CDH13: variants seen among roughly 807,000 people sequenced by gnomAD.
The protein encoded by CDH13 is cadherin-13.
CDH13 carries 24 observed loss-of-function variants against 63.8 expected under a neutral mutation model. The ratio of observed to expected loss-of-function variants is 0.38; its 90% CI spans 0.27 to 0.53. CDH13 has a LOEUF of 0.53. Ranked by LOEUF, CDH13 falls within the 20% of genes least tolerant of loss-of-function variation. CDH13 has a pLI of 0.85. For synonymous variants in CDH13, 503 were observed against 355.3 expected (o/e 1.42, Z -4.67); for missense variants, 1,049 against 903.1 (o/e 1.16, Z -2.07).
intron 1 of CDH13, among the ~76,000 whole-genome samples, chr16:82,720,378 C>A (rs987520738): frequency 6.6e-6 from 1 of 152,012 alleles, no homozygotes; most frequent in Non-Finnish European, 1.5e-5. Flanking sequence ...TACAATACTT[C>A]GTATTAATTA....
chr16:83,161,789 A>G (rs1408081397), intron 4 of CDH13, among the ~76,000 whole-genome samples: 1 of 152,196 alleles, frequency 6.6e-6, no homozygotes, highest in Non-Finnish European at 1.5e-5. Flanking sequence ...AATCAACAAC[A>G]AACAACAACT....
intron 1 of CDH13, among the ~76,000 whole-genome samples, chr16:82,706,846 A>T (rs1422596475): frequency 6.6e-6 from 1 of 152,152 alleles, no homozygotes; most frequent in Non-Finnish European, 1.5e-5. Context: ...GGTCATTTTT[A>T]ATGTGAGAAT....
chr16:83,076,532 G>C (rs978722972), intron 3 of CDH13, among the ~76,000 whole-genome samples: 1 of 152,118 alleles, frequency 6.6e-6, no homozygotes, highest in Non-Finnish European at 1.5e-5. Flanking sequence ...CAAACATAAA[G>C]TTGAAAGAAT....
At chr16:83,555,966 A>G (rs951712633) in intron 7 of CDH13, among the ~76,000 whole-genome samples, 12 of 152,206 alleles carry the variant, frequency 7.9e-5, no homozygotes, top group African/African-American at 2.7e-4. Context: ...AGACAAAGCT[A>G]TGGCCTGGGG....
At chr16:83,342,994 CT>C (rs1212222267) in intron 5 of CDH13, among the ~76,000 whole-genome samples, 1 of 150,972 alleles carries the variant, frequency 6.6e-6, no homozygotes, top group Non-Finnish European at 1.5e-5. Context: ...CTCATAATAG[CT>C]TAAAAAAAAC....
chr16:83,221,778 A>G (rs1053374556), intron 5 of CDH13, among the ~76,000 whole-genome samples: 1 of 152,132 alleles, frequency 6.6e-6, no homozygotes, highest in East Asian at 1.9e-4. Flanking sequence ...TCTGTTGTCC[A>G]GTGGGAGATG....
Position 82,688,190 on chromosome 16 carries a change from G to A in CDH13, c.45+61053G>A, listed in dbSNP as rs143974117. ...TCAAGTGAACCAGCCAAGAGATCTC[G>A]TCCAACACTGGTATAGCCTGGCAGC... On this transcript the variant is annotated intron_variant, in intron 1 of 13. Coordinates refer to ENST00000567109, the MANE Select transcript of CDH13 (RefSeq NM_001257.5). 2.3e-3 allele frequency among the ~76,000 whole-genome samples: 356 copies of A among 152,264 alleles called. 1 individual carries two copies. The highest frequency in any genetic ancestry group is 8.0e-3 in the African/African-American group (334 of 41,562).
intron 6 of CDH13, among the ~76,000 whole-genome samples, chr16:83,455,336 C>G (rs2072993255): frequency 6.6e-6 from 1 of 152,200 alleles, no homozygotes; most frequent in African/African-American, 2.4e-5. Flanking sequence ...CCAATGACAG[C>G]TGTTTCTGAG....
chr16:82,681,357 G>A (rs1284080361), intron 1 of CDH13, among the ~76,000 whole-genome samples: 3 of 152,148 alleles, frequency 2.0e-5, no homozygotes, highest in African/African-American at 7.2e-5. Context: ...AGGAGGGAAT[G>A]GGAAGTGGCT....
At chr16:83,576,339 T>G (rs557820111) in intron 7 of CDH13, among the ~76,000 whole-genome samples, 2 of 152,372 alleles carry the variant, frequency 1.3e-5, no homozygotes, top group East Asian at 3.9e-4. Flanking sequence ...TGCATCAGTA[T>G]TTCATCCCTT....
chr16:83,076,333 GA>G (rs1419090326), intron 3 of CDH13, among the ~76,000 whole-genome samples: 3 of 152,118 alleles, frequency 2.0e-5, no homozygotes, highest in African/African-American at 4.8e-5. Flanking sequence ...TAAGTGTCTG[GA>G]TCAGAATCCA....
At chr16:82,944,829 AT>A (rs1268547565) in intron 2 of CDH13, among the ~76,000 whole-genome samples, 1 of 152,208 alleles carries the variant, frequency 6.6e-6, no homozygotes, top group Non-Finnish European at 1.5e-5. Flanking sequence ...CTATCTATCT[AT>A]TTACAACTTC....
chr16:82,890,059 G>T (rs1034332586), intron 2 of CDH13, among the ~76,000 whole-genome samples: 1 of 152,196 alleles, frequency 6.6e-6, no homozygotes, highest in African/African-American at 2.4e-5. Context: ...GCTTCAAAAC[G>T]CAGAGCACTA....
At chr16:83,500,759 T>G (rs2074266571) in intron 7 of CDH13, among the ~76,000 whole-genome samples, 1 of 150,582 alleles carries the variant, frequency 6.6e-6, no homozygotes, top group Non-Finnish European at 1.5e-5. Flanking sequence ...TGTTTTATTT[T>G]TGTGGAGACG....
At chr16:83,032,510 C>G (rs1364003231) in intron 3 of CDH13, among the ~76,000 whole-genome samples, 1 of 152,150 alleles carries the variant, frequency 6.6e-6, no homozygotes, top group East Asian at 1.9e-4. Flanking sequence ...CCCTGTGCAT[C>G]TCGTGGCTCC....
chr16:82,811,089 C>T (rs1435221806), intron 1 of CDH13, among the ~76,000 whole-genome samples: 1 of 152,094 alleles, frequency 6.6e-6, no homozygotes, highest in Non-Finnish European at 1.5e-5. Context: ...TATACTATAT[C>T]ATTGTGGTAA....
At chr16:83,771,510 T>C (rs909146464) in intron 11 of CDH13, among the ~76,000 whole-genome samples, 1 of 152,194 alleles carries the variant, frequency 6.6e-6, no homozygotes, top group Non-Finnish European at 1.5e-5. Flanking sequence ...AGGAAGACCG[T>C]GGCAGGGTGC....
intron 5 of CDH13, among the ~76,000 whole-genome samples, chr16:83,286,821 CATCT>C (rs981139906): frequency 7.8e-4 from 117 of 149,998 alleles, no homozygotes; most frequent in Non-Finnish European, 1.0e-3. Flanking sequence ...AATATATTTA[CATCT>C]ATCTATCTAT....
chr16:82,682,981 G>A (rs1014754382), intron 1 of CDH13, among the ~76,000 whole-genome samples: 1 of 152,160 alleles, frequency 6.6e-6, no homozygotes, highest in African/African-American at 2.4e-5. Context: ...AAGCAGCTCT[G>A]AATTAGACCT....
Sources: allele counts gnomAD v4.1 joint callset (sites outside exome capture counted in the v4.1 genomes callset), GRCh38; gene constraint gnomAD v4.1.1; transcripts MANE v1.5; gene names NCBI Gene and HGNC (gene_info 2026-07-23, HGNC 2026-07-21).